The following MROH2A variants were observed in gnomAD, a reference collection of about 807,000 sequenced individuals.
MROH2A encodes the protein maestro heat-like repeat-containing protein family member 2A.
MROH2A carries 174 observed loss-of-function variants against 200.4 expected under a neutral mutation model. The ratio of observed to expected loss-of-function variants is 0.87; its 90% CI spans 0.77 to 0.98. The LOEUF (loss-of-function observed/expected upper bound fraction) is 0.98. Among genes scored for constraint, MROH2A ranks in the 50% least tolerant of loss-of-function variants. The pLI, the probability that MROH2A is intolerant of heterozygous loss-of-function variation, is 0.00. For missense variants in MROH2A, 2,045 were observed against 2,139.6 expected, an observed-to-expected ratio of 0.96 and a Z score of 0.87; for synonymous variants, 829 against 840.4, an observed-to-expected ratio of 0.99 and a Z score of 0.23.
intron 15 of MROH2A, chr2:233,802,551 C>G: frequency 2.2e-6 from 1 of 450,090 alleles, no homozygotes; most frequent in Non-Finnish European, 4.0e-6. Context: ...ATGTCCTGTC[C>G]CCCCAGCCCA....
intron 24 of MROH2A, among the ~76,000 whole-genome samples, chr2:233,813,373 G>A (rs1016344941): frequency 4.6e-5 from 7 of 152,328 alleles, no homozygotes; most frequent in South Asian, 4.1e-4. Flanking sequence ...AGTTGCAGTC[G>A]GCAAGGAGCA....
rs577635514 is a variant in MROH2A at position 233,823,784 on chromosome 2, C to G, written c.4113+120C>G. ...TCGGGGGGACAGGCGAGCGCCCCTC[C>G]TCTGAGTGCTCATTCTCTCATCTGC... is the stretch of plus-strand genomic sequence containing the variant. On this transcript the variant is annotated intron_variant, in intron 35 of 41. Coordinates refer to ENST00000389758, the MANE Select transcript of MROH2A (RefSeq NM_001394639.1). 39 of 1,235,960 alleles carry G rather than the reference C, an allele frequency of 3.2e-5. No homozygotes were observed. In the Middle Eastern group the frequency reaches 7.8e-4, roughly 25 times the overall value. 76.6% of individuals were successfully genotyped at this position (1,235,960 alleles called of 1,614,324 possible). A position where few individuals can be genotyped will look rare whatever the true frequency, so the allele number is the denominator to read the frequency against.
At chr2:233,813,806 C>A in intron 25 of MROH2A, 28 bp downstream of exon 25, 1 of 1,324,998 alleles carries the variant, frequency 7.5e-7, no homozygotes, top group Non-Finnish European at 1.1e-6. Flanking sequence ...GCCTCATTTG[C>A]TGGGTCAGGA....
At chr2:233,790,471 T>TCCCC (rs1559441496) in intron 5 of MROH2A, among the ~76,000 whole-genome samples, 1 of 31,784 alleles carries the variant, frequency 3.1e-5, no homozygotes, top group African/African-American at 2.9e-4. Context: ...CCTCCCTCCC[T>TCCCC]CCTTCCTTCC....
Position 233,832,097 on chromosome 2 carries a change from A to T in MROH2A, c.4735-80A>T, listed in dbSNP as rs1201169562. The T allele has an allele frequency of 6.7e-6, 8 of 1,195,068 alleles. No individual in the cohort carries two copies. The African/African-American group carries it at 9.1e-5, about 14-fold the overall frequency. The allele number at this position is 1,195,068 out of a possible 1,614,324, so 74.0% of individuals were successfully genotyped here. A position where few individuals can be genotyped will look rare whatever the true frequency, so the allele number is the denominator to read the frequency against. ...TTGCCCTCTCTGATGCATCTTGGTGATGGGAACACGCTTGATGAATGACAG... is the reference window on the plus strand; with the variant it reads ...TTGCCCTCTCTGATGCATCTTGGTGTTGGGAACACGCTTGATGAATGACAG... On this transcript the variant is annotated intron_variant, in intron 39 of 41. Coordinates refer to ENST00000389758, the MANE Select transcript of MROH2A (RefSeq NM_001394639.1).
At position 233,797,539 on chromosome 2, in the gene MROH2A, A is replaced by G. The variant is rs1341794813; in HGVS notation, c.1252+1226A>G. 2.6e-5 allele frequency among the ~76,000 whole-genome samples: 4 copies of G among 152,234 alleles called. No individual in the cohort carries two copies. The East Asian group carries it at 7.7e-4, about 29-fold the overall frequency. ...TCTATTGAGTGTATTAAGTGTAGCA[A>G]TACAACGTGGGGCAGTATTTATAGC... On this transcript the variant is annotated intron_variant, in intron 11 of 41. Transcript: ENST00000389758.
chr2:233,796,283 A>C lies in MROH2A; in HGVS notation c.1222A>C (p.Asn408His). Residue 408 changes from asparagine to histidine, a missense_variant, in exon 11 of 42, where the codon AAT becomes CAT. This residue lies in a region of MROH2A where 831 missense variants were observed against 800.0 expected (regional missense o/e 1.04). Coordinates refer to ENST00000389758, the MANE Select transcript of MROH2A (RefSeq NM_001394639.1). Reference protein sequence around the residue: ...NKEAVRVGTLNLIRAIVSADE... With the variant: ...NKEAVRVGTLHLIRAIVSADE... ...GGAGGCCGTCCGCGTGGGGACTCTG[A>C]ATCTGATTAGGGCTATAGTGAGCGC... is the stretch of plus-strand genomic sequence containing the variant. 7.8e-7 allele frequency: 1 copy of C among 1,289,966 alleles called. No individual in the cohort carries two copies. The highest frequency in any genetic ancestry group is 2.5e-5 in the Admixed American group (1 of 39,558). The allele number at this position is 1,289,966 out of a possible 1,614,324, so 79.9% of individuals were successfully genotyped here.
chr2:233,796,122 G>A (rs1702093026), intron 10 of MROH2A, 77 bp downstream of exon 10: 2 of 1,515,014 alleles, frequency 1.3e-6, no homozygotes, highest in Admixed American at 2.0e-5. Context: ...GCCCCTCTGA[G>A]CGCTGGGCCT....
chr2:233,818,598 G>T, intron 28 of MROH2A, 54 bp from the exon 29 acceptor site: 2 of 1,133,368 alleles, frequency 1.8e-6, no homozygotes, highest in African/African-American at 3.1e-5. Context: ...ACGAAGGGGG[G>T]GTGGCTGGGC....
At chr2:233,818,526 G>A (rs559555630) in intron 28 of MROH2A, 126 bp from the exon 29 acceptor site, 69 of 720,448 alleles carry the variant, frequency 9.6e-5, no homozygotes, top group South Asian at 2.3e-4. Flanking sequence ...AGGTCAGAAC[G>A]CCTGGGACGT....
intron 35 of MROH2A, among the ~76,000 whole-genome samples, chr2:233,824,892 T>A (rs1251155484): frequency 6.6e-6 from 1 of 152,236 alleles, no homozygotes; most frequent in Non-Finnish European, 1.5e-5. Flanking sequence ...GGAATAGCAT[T>A]GAATCTATAC....
chr2:233,822,452 G>A lies in MROH2A; in HGVS notation c.3762G>A (p.Leu1254=). 6.4e-7 allele frequency: 1 copy of A among 1,550,964 alleles called. No homozygotes were observed. The highest frequency in any genetic ancestry group is 8.7e-7 in the Non-Finnish European group (1 of 1,147,092). The change falls in exon 33 of 42, where the codon CTG becomes CTA. Residue 1254 remains leucine, a synonymous_variant. Coordinates refer to ENST00000389758, the MANE Select transcript of MROH2A (RefSeq NM_001394639.1). Reference sequence around the variant, plus strand: ...TCCCTGACCTCATCTACACCCTCCTGCTGCAGCTTGGAAGCAGCCACCGAC... The same window carrying A: ...TCCCTGACCTCATCTACACCCTCCTACTGCAGCTTGGAAGCAGCCACCGAC... ...DFLPDLIYTL[L]LQLGSSHRPE...
chr2:233,817,081 C>T (rs1395058532), intron 27 of MROH2A, among the ~76,000 whole-genome samples, 196 bp downstream of exon 27: 1 of 152,112 alleles, frequency 6.6e-6, no homozygotes, highest in Non-Finnish European at 1.5e-5. Context: ...TGGCAGAGCT[C>T]CAGGCTTTGT....
intron 7 of MROH2A, among the ~76,000 whole-genome samples, chr2:233,794,111 C>T (rs1277929491): frequency 1.3e-5 from 2 of 152,204 alleles, no homozygotes; most frequent in Non-Finnish European, 2.9e-5. Flanking sequence ...GCTATTTTCA[C>T]ACCCACTCTG....
chr2:233,810,958 T>A, intron 23 of MROH2A, 42 bp downstream of exon 23: 1 of 1,545,858 alleles, frequency 6.5e-7, no homozygotes, highest in Non-Finnish European at 8.7e-7. Context: ...TTCCTGGTTT[T>A]GGGGTCTAAC....
At position 233,828,659 on chromosome 2, in the gene MROH2A, G is replaced by C; in HGVS notation, c.4143G>C (p.Glu1381Asp). 1 of 1,550,770 alleles carries C rather than the reference G, an allele frequency of 6.4e-7. No individual in the cohort carries two copies. The highest frequency in any genetic ancestry group is 2.0e-5 in the Admixed American group (1 of 51,002). Residue 1381 changes from glutamate (E) to aspartate (D), a missense_variant, in exon 36 of 42, where the codon GAG (glutamate) becomes GAC (aspartate). Around this residue, in one of 3 missense-constraint regions of MROH2A, gnomAD observed 1,201 missense variants for 1,311.3 expected, o/e 0.92. Transcript: ENST00000389758. The surrounding 1 kb of genome is among the most constrained non-coding windows in gnomAD (Gnocchi z 4.6). ...TGAGCGGCCCAGTTCTGTACCAGGA[G>C]AAGCTGCTGAAGCCGGCAGCTTTGC... ...CFMSGPVLYQ[E>D]KLLKPAALLL...
chr2:233,803,912 G>A, intron 16 of MROH2A, 139 bp from the exon 17 acceptor site: 3 of 1,141,872 alleles, frequency 2.6e-6, no homozygotes, highest in South Asian at 1.5e-5. Flanking sequence ...TCCTCTGCAG[G>A]TGCACTCTCT....
At chr2:233,813,818 C>T in intron 25 of MROH2A, 40 bp downstream of exon 25, 1 of 1,196,510 alleles carries the variant, frequency 8.4e-7, no homozygotes, top group African/African-American at 1.5e-5. Context: ...GGGTCAGGAC[C>T]TGGGAGTTAA....
In MROH2A at chr2:233,828,802, CAGG is replaced by C. The variant is rs1413904107; in HGVS notation, c.4263+24_4263+26del. On this transcript the variant is annotated intron_variant, in intron 36 of 41. Transcript: ENST00000389758. The surrounding 1 kb of genome is among the most constrained non-coding windows in gnomAD (Gnocchi z 4.6). ...AAGGTACTGTGCCTGGCCCTGGGCC[CAGG>C]TCCCGGGAGCTGAGGGTGCAGGCCG... The C allele has an allele frequency of 6.5e-7, 1 of 1,549,228 alleles. No individual in the cohort carries two copies. The highest frequency in any genetic ancestry group is 1.2e-5 in the South Asian group (1 of 83,986).
Sources: allele counts gnomAD v4.1 joint callset (sites outside exome capture counted in the v4.1 genomes callset), GRCh38; gene constraint gnomAD v4.1.1; regional missense constraint gnomAD v4.1.1; non-coding constraint Gnocchi (gnomAD v3.1); transcripts MANE v1.5; gene names NCBI Gene and HGNC (gene_info 2026-07-23, HGNC 2026-07-21).